BEND6: variants seen among roughly 807,000 people sequenced by gnomAD.
BEND6 encodes the protein BEN domain containing 6, also known as BEN domain-containing protein 6.
A neutral mutation model predicts 31.8 loss-of-function variants in BEND6; 24 were observed. The observed-to-expected ratio is 0.75, with a 90% CI of 0.55 to 1.06. The LOEUF (loss-of-function observed/expected upper bound fraction) is 1.06, where lower values mean the gene tolerates loss of function less well. Among genes scored for constraint, BEND6 ranks in the 50% least tolerant of loss-of-function variants. The pLI, the probability that BEND6 is intolerant of heterozygous loss-of-function variation, is 0.00. For missense variants in BEND6, 294 were observed against 327.4 expected (o/e 0.90, Z 0.79); for synonymous variants, 109 against 114.6 (o/e 0.95, Z 0.31).
chr6:57,010,232 G>A (rs777809774), intron 3 of BEND6: 2 of 152,144 alleles, frequency 1.3e-5, no homozygotes, highest in Non-Finnish European at 2.9e-5. Flanking sequence ...AGCAAAATCC[G>A]ACTGTAGGAA....
intron 2 of BEND6, among the ~76,000 whole-genome samples, chr6:56,985,179 C>T (rs1402652016): frequency 1.3e-5 from 2 of 152,146 alleles, no homozygotes; most frequent in Non-Finnish European, 2.9e-5. Flanking sequence ...CATGCCTGTG[C>T]GCTACCACCT....
intron 1 of BEND6, among the ~76,000 whole-genome samples, chr6:56,978,761 G>C (rs544354512): frequency 6.6e-6 from 1 of 152,180 alleles, no homozygotes; most frequent in Non-Finnish European, 1.5e-5. Context: ...GCACTGGAGC[G>C]AAGATTGAAA....
intron 3 of BEND6, among the ~76,000 whole-genome samples, chr6:57,006,322 C>T (rs1203332365): frequency 1.3e-5 from 2 of 152,196 alleles, no homozygotes; most frequent in Non-Finnish European, 1.5e-5. Context: ...TACACAAGAC[C>T]CTGCTCTTAG....
intron 3 of BEND6, among the ~76,000 whole-genome samples, chr6:56,992,795 A>C (rs931952449): frequency 1.3e-5 from 2 of 152,208 alleles, no homozygotes; most frequent in African/African-American, 4.8e-5. Context: ...TATTATATTC[A>C]TTTAATAGTT....
At chr6:57,019,828 T>G (rs1179479524) in intron 6 of BEND6, among the ~76,000 whole-genome samples, 2 of 152,248 alleles carry the variant, frequency 1.3e-5, no homozygotes, top group Non-Finnish European at 1.5e-5. Flanking sequence ...GCATGGTGGC[T>G]CACGCCTGTA....
intron 1 of BEND6, chr6:56,975,949 A>G: frequency 3.8e-6 from 2 of 529,914 alleles, no homozygotes; most frequent in Non-Finnish European, 3.8e-6. Context: ...CCAGCACCAG[A>G]GCATACACAG....
At chr6:56,982,471 T>C (rs1826105549) in intron 2 of BEND6, among the ~76,000 whole-genome samples, 1 of 152,112 alleles carries the variant, frequency 6.6e-6, no homozygotes, top group Non-Finnish European at 1.5e-5. Context: ...GCCTTTCCTA[T>C]TTTTATTTAT....
intron 1 of BEND6, among the ~76,000 whole-genome samples, chr6:56,980,152 C>T (rs1826018855): frequency 6.6e-6 from 1 of 152,144 alleles, no homozygotes; most frequent in Non-Finnish European, 1.5e-5. Context: ...TCCTACTTTG[C>T]CTATGCCTCT....
chr6:56,999,863 AC>A (rs1183048724), intron 3 of BEND6, among the ~76,000 whole-genome samples: 1 of 152,122 alleles, frequency 6.6e-6, no homozygotes, highest in East Asian at 1.9e-4. Flanking sequence ...AAGTGCATAG[AC>A]CTGGCCGCCC....
intron 3 of BEND6, among the ~76,000 whole-genome samples, chr6:57,007,651 T>C (rs1446056597): frequency 6.6e-6 from 1 of 151,950 alleles, no homozygotes; most frequent in Non-Finnish European, 1.5e-5. Flanking sequence ...TTTAATGAGC[T>C]GGGTATGGTG....
At chr6:56,984,136 G>C (rs142478217) in intron 2 of BEND6, among the ~76,000 whole-genome samples, 5 of 151,774 alleles carry the variant, frequency 3.3e-5, no homozygotes, top group Non-Finnish European at 7.4e-5. Flanking sequence ...TGGGAGGATC[G>C]CTTCAGTCTA....
rs372528921 is a variant in BEND6 at position 56,967,010 on chromosome 6, G to A, written c.-101+11550G>A. 5.3e-5 allele frequency among the ~76,000 whole-genome samples: 8 copies of A among 152,130 alleles called. No individual in the cohort carries two copies. The East Asian group carries it at 7.7e-4, about 15-fold the overall frequency. ...TTAGAAATACAAGCCATATCCTATA[G>A]AACAGTAATAACCCAGCAAACAAAT... On this transcript the variant is annotated intron_variant, in intron 1 of 6. Coordinates refer to ENST00000370746, the MANE Select transcript of BEND6 (RefSeq NM_152731.3).
At chr6:57,026,009 ACT>A (rs1222032854) in intron 6 of BEND6, 71 bp from the exon 7 acceptor site, 1 of 152,142 alleles carries the variant, frequency 6.6e-6, no homozygotes, top group Non-Finnish European at 1.5e-5. Flanking sequence ...AAAACAAATA[ACT>A]CATATAACTG....
At chr6:57,000,633 GAAAAAAA>G (rs34750947) in intron 3 of BEND6, among the ~76,000 whole-genome samples, 1 of 133,604 alleles carries the variant, frequency 7.5e-6, no homozygotes, top group Non-Finnish European at 1.6e-5. Flanking sequence ...ATGAGATAAT[GAAAAAAA>G]AAAAAAAAGT....
chr6:57,014,507 G>A (rs776601929), intron 3 of BEND6: 237 of 1,522,350 alleles, frequency 1.6e-4, no homozygotes, highest in Non-Finnish European at 1.8e-4. Context: ...TTACATGGAG[G>A]CATGAAAACT....
intron 2 of BEND6, among the ~76,000 whole-genome samples, chr6:56,987,015 A>T (rs1206907927): frequency 7.5e-6 from 1 of 134,186 alleles, no homozygotes; most frequent in African/African-American, 2.9e-5. Flanking sequence ...TTGCTGTATC[A>T]CCCAGGCTGG....
intron 3 of BEND6, among the ~76,000 whole-genome samples, chr6:56,996,807 A>G (rs553646591): frequency 6.6e-6 from 1 of 152,186 alleles, no homozygotes; most frequent in African/African-American, 2.4e-5. Context: ...TACCACTCCT[A>G]CTGCTGCTAC....
chr6:56,969,169 T>C (rs758492928), intron 1 of BEND6, among the ~76,000 whole-genome samples: 19 of 152,302 alleles, frequency 1.2e-4, no homozygotes, highest in Non-Finnish European at 2.8e-4. Flanking sequence ...GTTTTCCCTC[T>C]AGAAGTCAGA....
In BEND6 at chr6:57,015,282, A is replaced by G. The variant is rs1487012502; in HGVS notation, c.448A>G (p.Asn150Asp). 1.2e-6 allele frequency: 2 copies of G among 1,614,150 alleles called. No individual in the cohort carries two copies. The highest frequency in any genetic ancestry group is 1.3e-5 in the African/African-American group (1 of 75,016). ...SPDSFASTCS[N>D]SNSNSSSPVS... ...AGATTCATTTGCCTCAACATGCAGT[A>G]ATTCTAATTCTAACTCCAGTTCACC... Residue 150 changes from asparagine (N) to aspartate (D), a missense_variant, in exon 4 of 7, where the codon AAT (asparagine) becomes GAT (aspartate). Coordinates refer to ENST00000370746, the MANE Select transcript of BEND6 (RefSeq NM_152731.3).
Sources: allele counts gnomAD v4.1 joint callset (sites outside exome capture counted in the v4.1 genomes callset), GRCh38; gene constraint gnomAD v4.1.1; transcripts MANE v1.5; gene names NCBI Gene and HGNC (gene_info 2026-07-23, HGNC 2026-07-21).